The following ATXN8OS variants were observed in gnomAD, a reference collection of about 807,000 sequenced individuals.
ATXN8OS encodes the protein ATXN8 opposite strand lncRNA.
intron 2 of ATXN8OS, among the ~76,000 whole-genome samples, chr13:70,116,798 T>C (rs1049395635): frequency 6.6e-5 from 10 of 152,144 alleles, no homozygotes; most frequent in African/African-American, 2.2e-4. Context: ...AGAGATGATG[T>C]AAATGTGGAC....
intron 4 of ATXN8OS, among the ~76,000 whole-genome samples, chr13:70,159,524 G>A (rs531769416): frequency 3.9e-4 from 59 of 152,012 alleles, no homozygotes; most frequent in African/African-American, 1.3e-3. Context: ...AGTTTATCAT[G>A]AACTTTATGA....
intron 2 of ATXN8OS, among the ~76,000 whole-genome samples, chr13:70,119,021 C>A (rs1334041550): frequency 6.6e-6 from 1 of 152,020 alleles, no homozygotes; most frequent in African/African-American, 2.4e-5. Context: ...ATAAATCAAT[C>A]AGTCAGTATT....
chr13:70,152,486 C>T (rs2137499840), intron 4 of ATXN8OS, among the ~76,000 whole-genome samples: 1 of 151,916 alleles, frequency 6.6e-6, no homozygotes, highest in East Asian at 1.9e-4. Flanking sequence ...TATATATACA[C>T]ACACGTGTAT....
intron 4 of ATXN8OS, among the ~76,000 whole-genome samples, chr13:70,157,933 T>A (rs1307379630): frequency 6.6e-6 from 1 of 152,192 alleles, no homozygotes; most frequent in Non-Finnish European, 1.5e-5. Context: ...AATTAGTACA[T>A]GCAGGAAATA....
chr13:70,110,533 G>A (rs1888184844), intron 1 of ATXN8OS, among the ~76,000 whole-genome samples: 2 of 151,604 alleles, frequency 1.3e-5, no homozygotes, highest in Admixed American at 1.3e-4. Flanking sequence ...AAGAAAGAGA[G>A]GAAAGTGAGA....
intron 3 of ATXN8OS, among the ~76,000 whole-genome samples, chr13:70,145,200 A>T (rs1297912678): frequency 6.6e-6 from 1 of 151,978 alleles, no homozygotes; most frequent in Non-Finnish European, 1.5e-5. Context: ...GTTCTGTTCC[A>T]TTGATCTATA....
At chr13:70,148,603 G>T (rs2137497489) in intron 4 of ATXN8OS, among the ~76,000 whole-genome samples, 1 of 152,022 alleles carries the variant, frequency 6.6e-6, no homozygotes, top group South Asian at 2.1e-4. Context: ...TAAATAAAAA[G>T]AAAAATTATT....
At chr13:70,134,107 T>C (rs1328331223) in intron 3 of ATXN8OS, among the ~76,000 whole-genome samples, 3 of 152,198 alleles carry the variant, frequency 2.0e-5, no homozygotes, top group Non-Finnish European at 4.4e-5. Flanking sequence ...AGGATTTTTG[T>C]CATTTGAGGA....
intron 4 of ATXN8OS, among the ~76,000 whole-genome samples, chr13:70,163,174 T>A (rs111846223): frequency 3.4e-4 from 52 of 152,252 alleles, no homozygotes; most frequent in African/African-American, 1.2e-3. Context: ...TGTTTCTAAA[T>A]AATGTTAAGA....
chr13:70,116,872 TTC>T (rs1888287157), intron 2 of ATXN8OS, among the ~76,000 whole-genome samples: 1 of 152,220 alleles, frequency 6.6e-6, no homozygotes, highest in Admixed American at 6.6e-5. Context: ...CATGGTCTTT[TTC>T]TTTTCATTTT....
intron 3 of ATXN8OS, among the ~76,000 whole-genome samples, chr13:70,142,478 A>T (rs1280976971): frequency 2.0e-5 from 3 of 152,190 alleles, no homozygotes; most frequent in African/African-American, 7.2e-5. Flanking sequence ...TTAAGTCCTC[A>T]TTAGAGCTAT....
At chr13:70,115,387 C>T in intron 2 of ATXN8OS, 1 of 396,706 alleles carries the variant, frequency 2.5e-6, no homozygotes. Flanking sequence ...CTTCCCAACA[C>T]TGTGGCATTA....
intron 2 of ATXN8OS, among the ~76,000 whole-genome samples, chr13:70,122,097 A>G (rs546344892): frequency 2.1e-4 from 32 of 152,178 alleles, no homozygotes; most frequent in African/African-American, 7.5e-4. Context: ...TCTTGCACAA[A>G]TTGAGGAAAG....
chr13:70,169,179 T>C (rs1428626344), intron 4 of ATXN8OS, among the ~76,000 whole-genome samples: 1 of 152,150 alleles, frequency 6.6e-6, no homozygotes, highest in Admixed American at 6.6e-5. Flanking sequence ...AATCAACAGT[T>C]TTTGTACATT....
intron 1 of ATXN8OS, among the ~76,000 whole-genome samples, chr13:70,110,844 ATAAG>A (rs1345665450): frequency 2.6e-5 from 4 of 152,216 alleles, no homozygotes; most frequent in Admixed American, 1.3e-4. Flanking sequence ...TTAACCAGCC[ATAAG>A]TAATAATTGA....
upstream of ATXN8OS, chr13:70,107,621 G>C: frequency 6.3e-7 from 1 of 1,579,806 alleles, no homozygotes; most frequent in Non-Finnish European, 8.6e-7. Flanking sequence ...CCGGTGGAAG[G>C]AGACGGGTGG....
chr13:70,147,963 A>T (rs1888809925), intron 4 of ATXN8OS, among the ~76,000 whole-genome samples: 1 of 152,206 alleles, frequency 6.6e-6, no homozygotes, highest in Non-Finnish European at 1.5e-5. Context: ...GGTGGCTTCC[A>T]GGTCATAGAT....
At chr13:70,111,641 T>C (rs1006107048) in intron 1 of ATXN8OS, among the ~76,000 whole-genome samples, 27 of 152,148 alleles carry the variant, frequency 1.8e-4, no homozygotes, top group Non-Finnish European at 7.4e-5. Flanking sequence ...GGGACAAAAA[T>C]TCATACCATA....
intron 4 of ATXN8OS, among the ~76,000 whole-genome samples, chr13:70,155,025 G>A (rs948864354): frequency 2.0e-5 from 3 of 152,190 alleles, no homozygotes; most frequent in Non-Finnish European, 2.9e-5. Context: ...TTTGTGAAGT[G>A]TGTATAAAAG....
Sources: allele counts gnomAD v4.1 joint callset (sites outside exome capture counted in the v4.1 genomes callset), GRCh38; gene constraint gnomAD v4.1.1; transcripts MANE v1.5; gene names NCBI Gene and HGNC (gene_info 2026-07-23, HGNC 2026-07-21).